BEST2: variants seen among roughly 807,000 people sequenced by gnomAD.
BEST2 encodes bestrophin-2a.
A neutral mutation model predicts 49.0 loss-of-function variants in BEST2; 36 were observed. The ratio of observed to expected loss-of-function variants is 0.73; its 90% CI spans 0.56 to 0.97. The LOEUF is 0.97. BEST2 is among the 50% of genes least tolerant of loss of function. The pLI, the probability that BEST2 is intolerant of heterozygous loss-of-function variation, is 0.00. For synonymous variants in BEST2, 335 were observed against 304.4 expected (o/e 1.10, Z -1.05); for missense variants, 672 against 710.0 (o/e 0.95, Z 0.61).
At position 12,755,319 on chromosome 19, in the gene BEST2, C is replaced by G; in HGVS notation, c.637-60C>G. 1 of 1,557,578 alleles carries G rather than the reference C, an allele frequency of 6.4e-7. No homozygotes were observed. On this transcript the variant is annotated intron_variant, in intron 5 of 9. Coordinates refer to ENST00000553030, the MANE Select transcript of BEST2 (RefSeq NM_017682.3). The surrounding 1 kb of genome is among the most constrained non-coding windows in gnomAD (Gnocchi z 4.4). ...CCCACCTCCATCCCACGTACCTACA[C>G]TTAATATCCCTGTGTGAGCTCACCA...
In BEST2 at chr19:12,754,543, C is replaced by A. The variant is rs879005471; in HGVS notation, c.248-9C>A. ...CCCCACTGAGCCCCCATTCCCCGCT[C>A]CCCTGCAGGCTTTTATGTGACGCTG... On this transcript the variant is annotated splice_polypyrimidine_tract_variant and intron_variant, in intron 3 of 9. Coordinates refer to ENST00000553030, the MANE Select transcript of BEST2 (RefSeq NM_017682.3). The A allele has an allele frequency of 4.0e-6, 6 of 1,493,414 alleles. No individual in the cohort carries two copies. The highest frequency in any genetic ancestry group is 4.5e-6 in the Non-Finnish European group (5 of 1,112,886). The allele number at this position is 1,493,414 out of a possible 1,614,324, so 92.5% of individuals were successfully genotyped here.
At position 12,756,245 on chromosome 19, in the gene BEST2, T is replaced by C. The variant is rs1490780970; in HGVS notation, c.1053T>C (p.Thr351=). The stretch of plus-strand genomic sequence containing the variant: ...CTCGCGCCCCATACACAGCGGCTAC[T>C]GTCTTCCAGCTGCGGCAGCCTTCCT... ...AEARAPYTAA[T]VFQLRQPSFQ... is the part of the protein sequence containing the mutation. Residue 351 remains threonine, a synonymous_variant, in exon 9 of 10, where the codon ACT becomes ACC. Transcript: ENST00000553030. 8.7e-6 allele frequency: 14 copies of C among 1,614,010 alleles called. No individual in the cohort carries two copies. The highest frequency in any genetic ancestry group is 1.2e-5 in the Non-Finnish European group (14 of 1,180,040).
chr19:12,754,837 G>C (rs774618767), intron 4 of BEST2, 40 bp from the exon 5 acceptor site: 51 of 1,594,274 alleles, frequency 3.2e-5, no homozygotes, highest in Non-Finnish European at 3.8e-5. Context: ...CCAGGTGGAG[G>C]GGGGCAAGGG....
At chr19:12,756,349 G>C in intron 9 of BEST2, 54 bp downstream of exon 9, 6 of 1,589,140 alleles carry the variant, frequency 3.8e-6, no homozygotes, top group Non-Finnish European at 5.1e-6. Flanking sequence ...GGCTCTGCGG[G>C]GCACATCTGA....
At position 12,758,387 on chromosome 19, in the gene BEST2, G is replaced by A. The variant is rs1308561987; in HGVS notation, c.*310G>A. On this transcript the variant is annotated 3_prime_UTR_variant, in exon 10 of 10. Coordinates refer to ENST00000553030, the MANE Select transcript of BEST2 (RefSeq NM_017682.3). Reference sequence around the variant, plus strand: ...GACTACCTCCTCGAGTTGTCATGAGGATGAAAGAATGGCATTAAAGCATTT... The same window carrying A: ...GACTACCTCCTCGAGTTGTCATGAGAATGAAAGAATGGCATTAAAGCATTT... 4.4e-6 allele frequency: 2 copies of A among 458,974 alleles called. No individual in the cohort carries two copies. The highest frequency in any genetic ancestry group is 4.1e-5 in the Admixed American group (1 of 24,346). 28.4% of individuals were successfully genotyped at this position (458,974 alleles called of 1,614,324 possible).
At chr19:12,754,454 T>G (rs1431454328) in intron 3 of BEST2, 98 bp from the exon 4 acceptor site, 1 of 1,064,700 alleles carries the variant, frequency 9.4e-7, no homozygotes, top group South Asian at 1.7e-5. Context: ...CGGGTTTCCC[T>G]GATGCAGACC....
At position 12,754,779 on chromosome 19, in the gene BEST2, G is replaced by A; in HGVS notation, c.475G>A (p.Glu159Lys). 1 of 1,580,666 alleles carries A rather than the reference G, an allele frequency of 6.3e-7. No homozygotes were observed. ...KRFPTIDHVV[E>K]AGFMTREERK... ...CTTCCCCACCATAGACCACGTGGTG[G>A]AGGCTGGTGAGTACTCGGCCAGAGG... is the stretch of plus-strand genomic sequence containing the variant. Residue 159 changes from glutamate (E) to lysine (K), a missense_variant, in exon 4 of 10, where the codon GAG becomes AAG. Glu to Lys is a moderately conservative substitution (Grantham distance 56). Transcript: ENST00000553030.
Position 12,755,410 on chromosome 19 carries a change from T to C in BEST2, c.668T>C (p.Met223Thr). 1 of 1,614,192 alleles carries C rather than the reference T, an allele frequency of 6.2e-7. No homozygotes were observed. The highest frequency in any genetic ancestry group is 1.1e-5 in the South Asian group (1 of 91,086). ...AATGTTTTTCGGGGCAAATGTGGAATGCTCTTTCACTATGACTGGATTAGC... is the reference window on the plus strand; with the variant it reads ...AATGTTTTTCGGGGCAAATGTGGAACGCTCTTTCACTATGACTGGATTAGC... ...ELNVFRGKCG[M>T]LFHYDWISVP... Residue 223 changes from methionine (M) to threonine (T), a missense_variant, in exon 6 of 10, where the codon ATG (methionine) becomes ACG (threonine). Physicochemically the swap from Met to Thr is moderately conservative, Grantham distance 81 (BLOSUM62 -1). This residue lies in a region of BEST2 where 365 missense variants were observed against 390.9 expected (regional missense o/e 0.93). Transcript: ENST00000553030. This position sits in a 1 kb window ranked among gnomAD's most constrained non-coding sequence, Gnocchi z 4.4.
In BEST2 at chr19:12,755,295, C is replaced by T; in HGVS notation, c.637-84C>T. 1 of 1,429,410 alleles carries T rather than the reference C, an allele frequency of 7.0e-7. No homozygotes were observed. The highest frequency in any genetic ancestry group is 9.8e-7 in the Non-Finnish European group (1 of 1,015,290). The allele number at this position is 1,429,410 out of a possible 1,614,324, so 88.5% of individuals were successfully genotyped here. A position where few individuals can be genotyped will look rare whatever the true frequency, so the allele number is the denominator to read the frequency against. On this transcript the variant is annotated intron_variant, in intron 5 of 9. Transcript: ENST00000553030. This position sits in a 1 kb window ranked among gnomAD's most constrained non-coding sequence, Gnocchi z 4.4. ...CTCCCAATTCCCACCAGGTGACCAC[C>T]CACCTCCATCCCACGTACCTACACT...
At position 12,754,947 on chromosome 19, in the gene BEST2, C is replaced by T; in HGVS notation, c.552C>T (p.Pro184=). The change falls in exon 5 of 10, where the codon CCC becomes CCT. Residue 184 remains proline, a synonymous_variant. Transcript: ENST00000553030. ...CATCCTACAACAAGTACTGGGTGCC[C>T]TGCGTCTGGTTCTCCAACCTGGCGG... The part of the protein sequence containing the change: ...LNSSYNKYWV[P]CVWFSNLAAQ... 1 of 1,613,904 alleles carries T rather than the reference C, an allele frequency of 6.2e-7. No homozygotes were observed. Among genetic ancestry groups the T allele is most frequent in the Non-Finnish European group, 8.5e-7 (1 of 1,179,920 alleles).
Position 12,758,038 on chromosome 19 carries a change from G to A in BEST2, c.1491G>A (p.Leu497=), listed in dbSNP as rs774957068. The A allele has an allele frequency of 3.1e-6, 5 of 1,613,248 alleles. No individual in the cohort carries two copies. In the Admixed American group the frequency reaches 8.3e-5, roughly 27 times the overall value. ...CCCGGGGTCCGGCGCCACCCTGGCT[G>A]CCCAGCCCTATTGGCGAGGAGGAGG... The part of the protein sequence containing the change: ...PGPRGPAPPW[L]PSPIGEEEEN... Residue 497 remains leucine (L), a synonymous_variant, in exon 10 of 10, where the codon CTG becomes CTA. Coordinates refer to ENST00000553030, the MANE Select transcript of BEST2 (RefSeq NM_017682.3).
chr19:12,757,782 G>A lies in BEST2; in HGVS notation c.1235G>A (p.Arg412Gln), dbSNP rs762360592. ...ATGGTCGCGGGAGGCCCGCTGGGCC[G>A]GCGCCTGTCCTTTCTACTCCGCAAG... ...AGMVAGGPLG[R>Q]RLSFLLRKNS... Residue 412 changes from arginine (R) to glutamine (Q), a missense_variant, in exon 10 of 10, where the codon CGG becomes CAG. Physicochemically the swap from Arg to Gln is conservative, Grantham distance 43. Coordinates refer to ENST00000553030, the MANE Select transcript of BEST2 (RefSeq NM_017682.3). 11 of 1,546,104 alleles carry A rather than the reference G, an allele frequency of 7.1e-6. No individual in the cohort carries two copies. In the Admixed American group the frequency reaches 1.8e-4, roughly 25 times the overall value.
chr19:12,757,202 C>G (rs1235666951), intron 9 of BEST2, among the ~76,000 whole-genome samples: 1 of 151,910 alleles, frequency 6.6e-6, no homozygotes, highest in Non-Finnish European at 1.5e-5. Flanking sequence ...ATCACGAGGT[C>G]AGGGGTTAGA....
Position 12,754,914 on chromosome 19 carries a change from C to T in BEST2, c.519C>T (p.Asn173=). The T allele has an allele frequency of 6.2e-7, 1 of 1,613,894 alleles. No homozygotes were observed. The highest frequency in any genetic ancestry group is 8.5e-7 in the Non-Finnish European group (1 of 1,179,900). ...GCGAGGAGCGCAAGAAGTTTGAAAA[C>T]CTGAACTCATCCTACAACAAGTACT... The part of the protein sequence containing the change: ...MTREERKKFE[N]LNSSYNKYWV... The change falls in exon 5 of 10, where the codon AAC becomes AAT. Residue 173 remains asparagine, a synonymous_variant. Coordinates refer to ENST00000553030, the MANE Select transcript of BEST2 (RefSeq NM_017682.3).
chr19:12,757,504 GAGGCCAGGCTCTGGGTTTAGGAGCTA>G (rs1437290791), intron 9 of BEST2, 121 bp from the exon 10 acceptor site: 1 of 821,646 alleles, frequency 1.2e-6, no homozygotes, highest in Admixed American at 3.2e-5. Context: ...AACACAGGGT[GAGGCCAGGCTCTGGGTTTAGGAGCTA>G]AGATCTTTGG....
Position 12,754,537 on chromosome 19 carries a change from C to A in BEST2, c.248-15C>A. 6.8e-7 allele frequency: 1 copy of A among 1,479,142 alleles called. No individual in the cohort carries two copies. 91.6% of individuals were successfully genotyped at this position (1,479,142 alleles called of 1,614,324 possible). A position where few individuals can be genotyped will look rare whatever the true frequency, so the allele number is the denominator to read the frequency against. ...TGGTGTCCCCACTGAGCCCCCATTC[C>A]CCGCTCCCCTGCAGGCTTTTATGTG... is the stretch of plus-strand genomic sequence containing the variant. On this transcript the variant is annotated splice_polypyrimidine_tract_variant and intron_variant, in intron 3 of 9. Transcript: ENST00000553030.
chr19:12,756,970 C>G (rs185225411), intron 9 of BEST2, among the ~76,000 whole-genome samples: 84 of 152,240 alleles, frequency 5.5e-4, no homozygotes, highest in Non-Finnish European at 1.0e-3. Context: ...ATAGTGAAAC[C>G]CTGTCTCTAC....
At chr19:12,757,020 G>T (rs748526973) in intron 9 of BEST2, among the ~76,000 whole-genome samples, 3 of 152,086 alleles carry the variant, frequency 2.0e-5, no homozygotes, top group Non-Finnish European at 4.4e-5. Context: ...GCTCACGCCT[G>T]TAATCCCAGC....
chr19:12,753,662 G>T (rs1159360382), intron 3 of BEST2, among the ~76,000 whole-genome samples: 1 of 151,908 alleles, frequency 6.6e-6, no homozygotes, highest in Non-Finnish European at 1.5e-5. Context: ...GTGTTATTAG[G>T]GGGGACAAAC....
Sources: allele counts gnomAD v4.1 joint callset (sites outside exome capture counted in the v4.1 genomes callset), GRCh38; gene constraint gnomAD v4.1.1; regional missense constraint gnomAD v4.1.1; non-coding constraint Gnocchi (gnomAD v3.1); transcripts MANE v1.5; gene names NCBI Gene and HGNC (gene_info 2026-07-23, HGNC 2026-07-21).